PCDHA9: variants seen among roughly 807,000 people sequenced by gnomAD.
The protein encoded by PCDHA9 is protocadherin alpha 9.
In PCDHA9, 62 loss-of-function variants were observed where a neutral mutation model predicts 62.0. The ratio of observed to expected loss-of-function variants is 1.00; its 90% CI spans 0.81 to 1.23. The LOEUF is 1.23. Ranked by LOEUF, PCDHA9 falls within the 50% of genes most tolerant of loss-of-function variation. The pLI is 0.00. For missense variants in PCDHA9, 1,205 were observed against 1,249.8 expected (o/e 0.96, Z 0.54); for synonymous variants, 557 against 567.6 (o/e 0.98, Z 0.27).
At chr5:140,871,653 C>A in intron 1 of PCDHA9, 1 of 1,244,246 alleles carries the variant, frequency 8.0e-7, no homozygotes, top group Non-Finnish European at 1.1e-6. Context: ...CCAAATGATA[C>A]ACATCTTCAG....
At chr5:140,956,994 A>T (rs2095325479) in intron 1 of PCDHA9, among the ~76,000 whole-genome samples, 1 of 152,168 alleles carries the variant, frequency 6.6e-6, no homozygotes, top group Non-Finnish European at 1.5e-5. Flanking sequence ...AATTCAAGGA[A>T]GTGGTCTGAA....
intron 1 of PCDHA9, chr5:140,927,689 G>A (rs781972370): frequency 5.6e-6 from 9 of 1,614,064 alleles, no homozygotes; most frequent in African/African-American, 2.7e-5. Flanking sequence ...GGGTCCAATG[G>A]GGAAGTCCAG....
At chr5:140,934,363 T>C (rs1354531260) in intron 1 of PCDHA9, among the ~76,000 whole-genome samples, 3 of 152,170 alleles carry the variant, frequency 2.0e-5, no homozygotes, top group African/African-American at 7.2e-5. Context: ...GCCACTGCTT[T>C]GACTCCTTCT....
chr5:140,905,611 T>A (rs1396340503), intron 1 of PCDHA9, among the ~76,000 whole-genome samples: 1 of 152,224 alleles, frequency 6.6e-6, no homozygotes, highest in African/African-American at 2.4e-5. Flanking sequence ...ATTGAATCTA[T>A]AGATTGCTTT....
chr5:140,903,290 G>A (rs1554190896), intron 1 of PCDHA9, among the ~76,000 whole-genome samples: 3 of 152,016 alleles, frequency 2.0e-5, no homozygotes, highest in African/African-American at 7.3e-5. Flanking sequence ...TTGTGCATTA[G>A]GAAATTTAGT....
intron 1 of PCDHA9, chr5:140,857,988 T>A (rs370495338): frequency 6.3e-7 from 1 of 1,596,894 alleles, no homozygotes; most frequent in South Asian, 1.1e-5. Context: ...CAGCGCCTAC[T>A]GGTGCTGGTG....
At chr5:140,997,656 T>G (rs2153947694) in intron 3 of PCDHA9, among the ~76,000 whole-genome samples, 1 of 149,610 alleles carries the variant, frequency 6.7e-6, no homozygotes. Flanking sequence ...GCAATATGTA[T>G]TATTATACAG....
chr5:140,875,252 C>T, intron 1 of PCDHA9: 1 of 1,041,204 alleles, frequency 9.6e-7, no homozygotes, highest in East Asian at 2.7e-5. Context: ...TAATCAGTCA[C>T]ATGATGTCGC....
chr5:140,879,557 T>C (rs1554170871), intron 1 of PCDHA9, among the ~76,000 whole-genome samples: 1 of 152,152 alleles, frequency 6.6e-6, no homozygotes, highest in Non-Finnish European at 1.5e-5. Flanking sequence ...AAATAATCCA[T>C]GAAAGAATAA....
At chr5:140,889,733 A>T (rs192682337) in intron 1 of PCDHA9, among the ~76,000 whole-genome samples, 1 of 152,316 alleles carries the variant, frequency 6.6e-6, no homozygotes, top group Admixed American at 6.5e-5. Context: ...CTCACTGAGT[A>T]GCAGAGTCTA....
intron 1 of PCDHA9, chr5:140,857,836 G>T: frequency 6.3e-7 from 1 of 1,597,926 alleles, no homozygotes; most frequent in Non-Finnish European, 8.6e-7. Context: ...TGCGCGCAGT[G>T]GACGCTGACT....
intron 1 of PCDHA9, among the ~76,000 whole-genome samples, chr5:140,957,462 T>C (rs574379806): frequency 8.3e-4 from 126 of 152,308 alleles, no homozygotes; most frequent in African/African-American, 2.9e-3. Context: ...ATCATAGGTA[T>C]GTATGTATAG....
At position 140,851,072 on chromosome 5, in the gene PCDHA9, A is replaced by G; in HGVS notation, c.2394+183A>G. The stretch of plus-strand genomic sequence containing the variant: ...TTTGTCTTGACTTCTAGTGAGAATT[A>G]TAAACTGTATATTAAATAGATATTT... On this transcript the variant is annotated intron_variant, in intron 1 of 3. Coordinates refer to ENST00000532602, the MANE Select transcript of PCDHA9 (RefSeq NM_031857.2). The G allele has an allele frequency of 5.9e-6, 8 of 1,346,802 alleles. 1 individual carries two copies. The highest frequency in any genetic ancestry group is 7.8e-6 in the Non-Finnish European group (8 of 1,027,866). The allele number at this position is 1,346,802 out of a possible 1,614,324, so 83.4% of individuals were successfully genotyped here. A position where few individuals can be genotyped will look rare whatever the true frequency, so the allele number is the denominator to read the frequency against.
At chr5:141,005,594 C>T (rs534928198) in intron 3 of PCDHA9, among the ~76,000 whole-genome samples, 10 of 147,680 alleles carry the variant, frequency 6.8e-5, no homozygotes, top group African/African-American at 1.8e-4. Flanking sequence ...CCCAGCTACA[C>T]AGGAGGCTGA....
chr5:140,849,736 ACCGCGAGAGTGTGT>A lies in PCDHA9; in HGVS notation c.1246_1259del (p.Glu416LeufsTer63). The A allele has an allele frequency of 6.3e-7, 1 of 1,598,292 alleles. No individual in the cohort carries two copies. The highest frequency in any genetic ancestry group is 8.6e-7 in the Non-Finnish European group (1 of 1,167,932). ...TCGTTGGTGCTGGACAGAGCTCTGG[ACCGCGAGAGTGTGT>A]CCGCCTACGAGCTGGTGGTTACCGC... On this transcript the variant is annotated frameshift_variant, in exon 1 of 4. Transcript: ENST00000532602. LOFTEE classifies it high-confidence loss of function.
chr5:140,874,318 T>A (rs1169216245), intron 1 of PCDHA9, among the ~76,000 whole-genome samples: 1 of 151,782 alleles, frequency 6.6e-6, no homozygotes, highest in African/African-American at 2.4e-5. Context: ...AGTTGTAGGA[T>A]CTTATCTGTT....
In PCDHA9 at chr5:140,876,724, G is replaced by A. The variant is rs140611870; in HGVS notation, c.2394+25835G>A. On this transcript the variant is annotated intron_variant, in intron 1 of 3. Transcript: ENST00000532602. The stretch of plus-strand genomic sequence containing the variant: ...GGACAGCGCCCTGGACCGCGAGAGC[G>A]TGTCGGCCTATGAGCTGGTGGTGAC... The A allele has an allele frequency of 2.3e-4, 378 of 1,614,246 alleles. 3 individuals are homozygous for A. In the East Asian group the frequency reaches 2.9e-3, roughly 13 times the overall value.
intron 1 of PCDHA9, among the ~76,000 whole-genome samples, chr5:140,944,406 C>T (rs1003379783): frequency 2.0e-5 from 3 of 152,084 alleles, no homozygotes; most frequent in Non-Finnish European, 2.9e-5. Flanking sequence ...AGGCTGGTCT[C>T]GAACTCCTGA....
intron 1 of PCDHA9, chr5:140,858,397 CG>C (rs1314612729): frequency 2.5e-6 from 4 of 1,573,068 alleles, no homozygotes; most frequent in African/African-American, 2.7e-5. Context: ...TAGATGTGGA[CG>C]GGGAAGATCA....
Sources: gnomAD v4.1 joint callset for allele counts (sites outside exome capture counted in the v4.1 genomes callset) on GRCh38, gnomAD v4.1.1 for gene constraint, MANE v1.5 for transcripts, NCBI Gene and HGNC (gene_info 2026-07-23, HGNC 2026-07-21) for gene names.